METTL25B: variants seen among roughly 807,000 people sequenced by gnomAD.
The protein encoded by METTL25B is methyltransferase like 25B, also known as methyltransferase-like protein 25B.
METTL25B carries 38 observed loss-of-function variants against 48.4 expected under a neutral mutation model. The observed-to-expected ratio is 0.78, with a 90% confidence interval of 0.61 to 1.03. METTL25B has a LOEUF of 1.03. Ranked by LOEUF, METTL25B falls within the 50% of genes least tolerant of loss-of-function variation. The pLI is 0.00. For missense variants in METTL25B, 537 were observed against 603.7 expected, an observed-to-expected ratio of 0.89 and a Z score of 1.16; for synonymous variants, 230 against 254.5, an observed-to-expected ratio of 0.90 and a Z score of 0.92.
rs759128395 is a variant in METTL25B, at chr1:156,732,278, C to G, written c.237-3C>G. Reference sequence around the variant, plus strand: ...ACTGGAGGCCTCGGCTGGACTATCTCAGGTACAGGTCAGTGTGGCCACTCA... The same window carrying G: ...ACTGGAGGCCTCGGCTGGACTATCTGAGGTACAGGTCAGTGTGGCCACTCA... On this transcript the variant is annotated splice_polypyrimidine_tract_variant and splice_region_variant and intron_variant, in intron 2 of 7. Transcript: ENST00000368216. The G allele has an allele frequency of 2.5e-6, 4 of 1,613,978 alleles. No homozygotes were observed. In the African/African-American group the frequency reaches 5.3e-5, roughly 22 times the overall value.
intron 4 of METTL25B, 74 bp downstream of exon 4, chr1:156,733,121 C>G: frequency 7.1e-7 from 1 of 1,415,056 alleles, no homozygotes; most frequent in Non-Finnish European, 9.8e-7. Flanking sequence ...GGTTATCGGG[C>G]CACAGGCCCA....
intron 6 of METTL25B, among the ~76,000 whole-genome samples, chr1:156,734,988 CAAAG>C (rs1340720231): frequency 6.6e-6 from 1 of 151,748 alleles, no homozygotes; most frequent in East Asian, 2.0e-4. Context: ...AGGAGACTAA[CAAAG>C]AAACATGAAG....
intron 2 of METTL25B, 45 bp downstream of exon 2, chr1:156,732,160 G>A: frequency 6.2e-7 from 1 of 1,613,650 alleles, no homozygotes; most frequent in Non-Finnish European, 8.5e-7. Context: ...AAGGCTTTAA[G>A]CCCTGCAGTG....
At position 156,729,057 on chromosome 1, in the gene METTL25B, C is replaced by A; in HGVS notation, c.-48C>A. The A allele has an allele frequency of 8.9e-7, 1 of 1,117,904 alleles. No individual in the cohort carries two copies. Among genetic ancestry groups the A allele is most frequent in the South Asian group, 1.3e-5 (1 of 77,786 alleles). The allele number at this position is 1,117,904 out of a possible 1,614,324, so 69.2% of individuals were successfully genotyped here. A position where few individuals can be genotyped will look rare whatever the true frequency, so the allele number is the denominator to read the frequency against. Reference sequence around the variant, plus strand: ...GACCCGCGTAGTACTGACCCTGGATCCCTGTTCACTGCGTTCTCGCTCCCC... The same window carrying A: ...GACCCGCGTAGTACTGACCCTGGATACCTGTTCACTGCGTTCTCGCTCCCC... On this transcript the variant is annotated 5_prime_UTR_variant, in exon 1 of 8. Transcript: ENST00000368216.
chr1:156,733,276 T>C lies in METTL25B; in HGVS notation c.493-101T>C. On this transcript the variant is annotated intron_variant, in intron 4 of 7. Transcript: ENST00000368216. ...AGTTCTGTAGGGTAAAATTTAAGCCTTCTGTGGGGCCTGGGACCCAGGTGT... is the reference window on the plus strand; with the variant it reads ...AGTTCTGTAGGGTAAAATTTAAGCCCTCTGTGGGGCCTGGGACCCAGGTGT... The C allele has an allele frequency of 6.9e-6, 10 of 1,441,376 alleles. No individual in the cohort carries two copies. In the South Asian group the frequency reaches 1.2e-4, roughly 17 times the overall value. 89.3% of individuals were successfully genotyped at this position (1,441,376 alleles called of 1,614,324 possible).
chr1:156,731,509 G>C (rs1326443659), intron 1 of METTL25B, among the ~76,000 whole-genome samples: 1 of 152,158 alleles, frequency 6.6e-6, no homozygotes, highest in Non-Finnish European at 1.5e-5. Flanking sequence ...GCCTACAATA[G>C]AGCTTGATGT....
chr1:156,735,740 G>A lies in METTL25B; in HGVS notation c.1137G>A (p.Gly379=). Residue 379 remains glycine (G), a synonymous_variant, in exon 7 of 8, where the codon GGG becomes GGA. Coordinates refer to ENST00000368216, the MANE Select transcript of METTL25B (RefSeq NM_015997.4). ...ELKIEEYVQR[G]LQRVGLDPQL... ...GATCCCACAGATATGTGCAGCGGGG[G>A]CTACAGCGAGTGGGGCTAGATCCCC... The A allele has an allele frequency of 6.2e-7, 1 of 1,610,332 alleles. No individual in the cohort carries two copies. The highest frequency in any genetic ancestry group is 2.2e-5 in the East Asian group (1 of 44,568).
chr1:156,732,616 T>C (rs1649393501), intron 3 of METTL25B, 143 bp downstream of exon 3: 2 of 776,480 alleles, frequency 2.6e-6, no homozygotes, highest in Non-Finnish European at 4.0e-6. Flanking sequence ...TAACTAATCA[T>C]ATTTTGATGC....
In METTL25B at chr1:156,732,478, G is replaced by A. The variant is rs1297919206; in HGVS notation, c.429+5G>A. On this transcript the variant is annotated splice_donor_5th_base_variant and intron_variant, in intron 3 of 7. Coordinates refer to ENST00000368216, the MANE Select transcript of METTL25B (RefSeq NM_015997.4). ...GAGATCCGGAGGCTGGGAGAGGTGA[G>A]GAGATGGCTGGAGCATGGGTGGTGT... 15 of 1,612,098 alleles carry A rather than the reference G, an allele frequency of 9.3e-6. No individual in the cohort carries two copies. The highest frequency in any genetic ancestry group is 1.0e-5 in the Non-Finnish European group (12 of 1,179,868).
intron 1 of METTL25B, among the ~76,000 whole-genome samples, chr1:156,731,371 G>A (rs1485006114): frequency 4.3e-4 from 66 of 152,162 alleles, no homozygotes; most frequent in Admixed American, 4.3e-3. Context: ...TGATCTGCCC[G>A]CCTTGGTCTC....
In METTL25B at chr1:156,734,409, A is replaced by G; in HGVS notation, c.1037A>G (p.Glu346Gly). The G allele has an allele frequency of 2.5e-6, 4 of 1,612,792 alleles. No individual in the cohort carries two copies. Among genetic ancestry groups the G allele is most frequent in the Non-Finnish European group, 3.4e-6 (4 of 1,179,456 alleles). The change falls in exon 6 of 8, where the codon GAG (glutamate) becomes GGG (glycine). Residue 346 changes from glutamate (E) to glycine (G), a missense_variant. Glu to Gly is a moderately conservative substitution (Grantham distance 98). Transcript: ENST00000368216. ...ACTCACTGCTACCGTGCAGCACTGG[A>G]GACAGTCATCCGACGGGCCCGGCCC... ...LRTHCYRAAL[E>G]TVIRRARPEL...
At chr1:156,733,575 A>G (rs1571514215) in intron 5 of METTL25B, 55 bp downstream of exon 5, 1 of 1,580,090 alleles carries the variant, frequency 6.3e-7, no homozygotes, top group Non-Finnish European at 8.6e-7. Context: ...GCTTGGCTGG[A>G]ATTGAGCACA....
At chr1:156,736,142 T>C (rs1649774366) in intron 7 of METTL25B, 1 of 367,102 alleles carries the variant, frequency 2.7e-6, no homozygotes, top group Admixed American at 4.3e-5. Context: ...CCAGGGTGGG[T>C]AGATCACTTG....
At position 156,728,560 on chromosome 1, in the gene METTL25B, G is replaced by T; in HGVS notation, c.-545G>T. 1.0e-6 allele frequency: 1 copy of T among 981,396 alleles called. No individual in the cohort carries two copies. The highest frequency in any genetic ancestry group is 1.2e-6 in the Non-Finnish European group (1 of 828,466). 60.8% of individuals were successfully genotyped at this position (981,396 alleles called of 1,614,324 possible). A position where few individuals can be genotyped will look rare whatever the true frequency, so the allele number is the denominator to read the frequency against. On this transcript the variant is annotated 5_prime_UTR_variant, in exon 1 of 8. Transcript: ENST00000368216. The stretch of plus-strand genomic sequence containing the variant: ...CACACCCGCACCGCCCCGACCCCAG[G>T]TAGTGAGGCCAGTGATTCCGAGTGT...
intron 4 of METTL25B, 150 bp downstream of exon 4, chr1:156,733,197 C>T: frequency 9.7e-7 from 1 of 1,028,428 alleles, no homozygotes; most frequent in Non-Finnish European, 1.4e-6. Flanking sequence ...TTAAGCCAGT[C>T]AGATTTAACA....
In METTL25B at chr1:156,732,107, G is replaced by A. The variant is rs772762703; in HGVS notation, c.228G>A (p.Glu76=). ...TGCTGGGGATGCCTGGGGAAGGGGAGGTCGTCAGGTATGGGCTAGAAGGTC... is the reference window on the plus strand; with the variant it reads ...TGCTGGGGATGCCTGGGGAAGGGGAAGTCGTCAGGTATGGGCTAGAAGGTC... ...TMLLGMPGEG[E]VVRYRSVWPL... is the part of the protein sequence containing the mutation. The change falls in exon 2 of 8, where the codon GAG becomes GAA. Residue 76 remains glutamate, a synonymous_variant. Transcript: ENST00000368216. The A allele has an allele frequency of 6.2e-7, 1 of 1,614,224 alleles. No individual in the cohort carries two copies. Among genetic ancestry groups the A allele is most frequent in the East Asian group, 2.2e-5 (1 of 44,894 alleles).
intron 5 of METTL25B, 108 bp from the exon 6 acceptor site, chr1:156,733,901 T>G: frequency 3.4e-6 from 5 of 1,456,198 alleles, no homozygotes; most frequent in Non-Finnish European, 4.6e-6. Context: ...TCTCCCACAT[T>G]CCTCCTTGGG....
chr1:156,732,551 C>T (rs1434678647), intron 3 of METTL25B, 78 bp downstream of exon 3: 13 of 1,373,758 alleles, frequency 9.5e-6, no homozygotes, highest in Non-Finnish European at 1.3e-5. Flanking sequence ...TATGTGTGCC[C>T]TTTACCTCAC....
chr1:156,733,148 GA>G, intron 4 of METTL25B, 101 bp downstream of exon 4: 4 of 1,268,318 alleles, frequency 3.2e-6, no homozygotes, highest in South Asian at 1.3e-5. Flanking sequence ...CAGGTGTCAA[GA>G]AGCGTGGAAT....
Sources: allele counts gnomAD v4.1 joint callset (sites outside exome capture counted in the v4.1 genomes callset), GRCh38; gene constraint gnomAD v4.1.1; transcripts MANE v1.5; gene names NCBI Gene and HGNC (gene_info 2026-07-23, HGNC 2026-07-21).